The following CTNNA3 variants were observed in gnomAD, a reference collection of about 807,000 sequenced individuals.
CTNNA3 encodes catenin alpha 3, also known as catenin alpha-3.
CTNNA3 carries 76 observed loss-of-function variants against 95.7 expected under a neutral mutation model. The observed-to-expected ratio is 0.79, with a 90% confidence interval of 0.66 to 0.96. CTNNA3 has a LOEUF of 0.96. Among genes scored for constraint, CTNNA3 ranks in the 40% least tolerant of loss-of-function variants. CTNNA3 has a pLI of 0.00. For synonymous variants in CTNNA3, 431 were observed against 374.4 expected, an observed-to-expected ratio of 1.15 and a Z score of -1.74; for missense variants, 1,191 against 1,089.8, an observed-to-expected ratio of 1.09 and a Z score of -1.31.
chr10:66,943,508 A>C (rs900149527), intron 7 of CTNNA3, among the ~76,000 whole-genome samples: 3 of 89,178 alleles, frequency 3.4e-5, no homozygotes, highest in Non-Finnish European at 7.7e-5. Flanking sequence ...CCCAAATCCA[A>C]TTCCCCCACC....
intron 1 of CTNNA3, among the ~76,000 whole-genome samples, chr10:67,725,747 G>A (rs907693619): frequency 6.6e-6 from 1 of 151,632 alleles, no homozygotes; most frequent in Non-Finnish European, 1.5e-5. Flanking sequence ...AAATGTTAGA[G>A]GTTGGTTCTA....
intron 15 of CTNNA3, among the ~76,000 whole-genome samples, chr10:66,057,200 T>G (rs983935481): frequency 5.9e-5 from 9 of 152,180 alleles, no homozygotes; most frequent in Non-Finnish European, 1.3e-4. Flanking sequence ...AAGGTCTGAA[T>G]AGTAAAGTCT....
At chr10:67,746,634 C>G (rs556344884) in intron 1 of CTNNA3, among the ~76,000 whole-genome samples, 1 of 152,260 alleles carries the variant, frequency 6.6e-6, no homozygotes, top group East Asian at 1.9e-4. Flanking sequence ...AGACGGTGAG[C>G]AGTCGTGCTA....
chr10:67,177,602 A>G (rs971708374), intron 7 of CTNNA3, among the ~76,000 whole-genome samples: 11 of 152,336 alleles, frequency 7.2e-5, no homozygotes, highest in Admixed American at 7.2e-4. Flanking sequence ...AAAGATGAGG[A>G]CTTAAGTATT....
chr10:67,660,661 A>C (rs1192222497), intron 1 of CTNNA3, among the ~76,000 whole-genome samples: 4 of 152,110 alleles, frequency 2.6e-5, no homozygotes, highest in Non-Finnish European at 5.9e-5. Context: ...GTCCGGGCGC[A>C]GTGGCTCATG....
chr10:66,284,883 G>T (rs1157974529), intron 12 of CTNNA3, among the ~76,000 whole-genome samples: 2 of 151,650 alleles, frequency 1.3e-5, no homozygotes, highest in Non-Finnish European at 2.9e-5. Flanking sequence ...CTAGAAAGTG[G>T]CATTAAGCAT....
chr10:67,155,991 A>G (rs554168158), intron 7 of CTNNA3, among the ~76,000 whole-genome samples: 2 of 152,118 alleles, frequency 1.3e-5, no homozygotes, highest in South Asian at 2.1e-4. Context: ...TAATGATCAG[A>G]TTTTTTATTT....
chr10:67,650,119 G>A (rs545877991), intron 1 of CTNNA3, among the ~76,000 whole-genome samples: 2 of 152,264 alleles, frequency 1.3e-5, no homozygotes, highest in African/African-American at 2.4e-5. Context: ...GATTACAGGC[G>A]TGAGCCACCA....
intron 5 of CTNNA3, among the ~76,000 whole-genome samples, chr10:67,258,028 AGT>A (rs1236192140): frequency 2.0e-5 from 3 of 152,202 alleles, no homozygotes; most frequent in Non-Finnish European, 4.4e-5. Context: ...ACAATCTGCC[AGT>A]CACCTGGGTT....
At chr10:66,316,579 T>C (rs2092103535) in intron 12 of CTNNA3, among the ~76,000 whole-genome samples, 2 of 152,030 alleles carry the variant, frequency 1.3e-5, no homozygotes, top group East Asian at 1.9e-4. Flanking sequence ...TGGGACAATG[T>C]AGACAAGCCA....
chr10:66,444,746 C>T (rs2093405410), intron 11 of CTNNA3, among the ~76,000 whole-genome samples: 1 of 152,184 alleles, frequency 6.6e-6, no homozygotes, highest in Non-Finnish European at 1.5e-5. Context: ...ACCATCAAGG[C>T]TAGGAAGAAA....
At chr10:67,025,696 C>G (rs1356646102) in intron 7 of CTNNA3, among the ~76,000 whole-genome samples, 2 of 152,082 alleles carry the variant, frequency 1.3e-5, no homozygotes, top group African/African-American at 4.8e-5. Context: ...ACAACAACAA[C>G]AAGTATTGTT....
intron 7 of CTNNA3, among the ~76,000 whole-genome samples, chr10:66,881,322 A>C (rs1186592150): frequency 6.6e-6 from 1 of 152,140 alleles, no homozygotes; most frequent in Non-Finnish European, 1.5e-5. Flanking sequence ...AATTATATAC[A>C]ATCTATAAAG....
At chr10:67,071,254 A>G (rs1856434430) in intron 7 of CTNNA3, among the ~76,000 whole-genome samples, 1 of 150,642 alleles carries the variant, frequency 6.6e-6, no homozygotes, top group Admixed American at 6.6e-5. Flanking sequence ...ACTTACAACA[A>G]TTCCCTTTGG....
intron 1 of CTNNA3, among the ~76,000 whole-genome samples, chr10:67,721,958 A>G (rs895610182): frequency 1.3e-5 from 2 of 152,142 alleles, no homozygotes; most frequent in Non-Finnish European, 2.9e-5. Context: ...GGTCCACTCC[A>G]GACTCTGCTT....
intron 12 of CTNNA3, among the ~76,000 whole-genome samples, chr10:66,363,590 C>T (rs141168580): frequency 1.5e-4 from 23 of 152,194 alleles, no homozygotes; most frequent in African/African-American, 5.1e-4. Context: ...TTTGTTATAG[C>T]AGCCCAAACT....
chr10:67,685,403 CCTTATCA>C (rs1277786524), intron 1 of CTNNA3, among the ~76,000 whole-genome samples: 1 of 152,200 alleles, frequency 6.6e-6, no homozygotes, highest in Non-Finnish European at 1.5e-5. Flanking sequence ...ACAAGAGTTT[CCTTATCA>C]CTTACTGAAC....
chr10:67,539,533 A>G lies in CTNNA3; in HGVS notation c.429T>C (p.Asp143=), dbSNP rs111880127. ...TRLLILADMI[D]VMCLLQHVSA... ...ACACATGTTGCAAGAGGCACATGAC[A>G]TCAATCATGTCCGCAAGGATAAGGA... is the stretch of plus-strand genomic sequence containing the variant. Residue 143 remains aspartate (D), a synonymous_variant, in exon 4 of 18, where the codon GAT becomes GAC. Coordinates refer to ENST00000433211, the MANE Select transcript of CTNNA3 (RefSeq NM_013266.4). The G allele has an allele frequency of 3.5e-4, 571 of 1,613,668 alleles. 7 individuals are homozygous for G. The African/African-American group carries it at 6.6e-3, about 19-fold the overall frequency.
At chr10:67,330,022 G>A (rs1295437168) in intron 5 of CTNNA3, among the ~76,000 whole-genome samples, 1 of 152,192 alleles carries the variant, frequency 6.6e-6, no homozygotes, top group Non-Finnish European at 1.5e-5. Flanking sequence ...GCCAAAGTGT[G>A]CAGGTAGACT....
Sources: gnomAD v4.1 joint callset for allele counts (sites outside exome capture counted in the v4.1 genomes callset) on GRCh38, gnomAD v4.1.1 for gene constraint, MANE v1.5 for transcripts, NCBI Gene and HGNC (gene_info 2026-07-23, HGNC 2026-07-21) for gene names.